The following MCTP2 variants were observed in gnomAD, a reference collection of about 807,000 sequenced individuals.
The protein encoded by MCTP2 is multiple C2 and transmembrane domain-containing protein 2.
MCTP2 carries 132 observed loss-of-function variants against 111.6 expected under a neutral mutation model. The observed-to-expected ratio is 1.18, with a 90% confidence interval of 1.03 to 1.37. The LOEUF (loss-of-function observed/expected upper bound fraction) is 1.37. Ranked by LOEUF, MCTP2 falls within the 40% of genes most tolerant of loss-of-function variation. MCTP2 has a pLI of 0.00. For synonymous variants in MCTP2, 395 were observed against 387.7 expected (o/e 1.02, Z -0.22); for missense variants, 1,183 against 1,067.9 (o/e 1.11, Z -1.50).
chr15:94,457,937 G>A (rs567851026), intron 19 of MCTP2, among the ~76,000 whole-genome samples, 200 bp from the exon 20 acceptor site: 35 of 152,228 alleles, frequency 2.3e-4, no homozygotes, highest in South Asian at 4.1e-4. Flanking sequence ...TGAGGCTTGC[G>A]CGTTAGGAGT....
At chr15:94,300,566 T>A (rs1449962362) in intron 2 of MCTP2, among the ~76,000 whole-genome samples, 1 of 151,316 alleles carries the variant, frequency 6.6e-6, no homozygotes, top group Non-Finnish European at 1.5e-5. Context: ...AATATTTGAA[T>A]GCTACTCTAG....
chr15:94,313,604 G>A (rs1472611384), intron 2 of MCTP2, among the ~76,000 whole-genome samples: 1 of 152,126 alleles, frequency 6.6e-6, no homozygotes, highest in Non-Finnish European at 1.5e-5. Flanking sequence ...GGGAGGCTGA[G>A]GCAGGAGAAT....
At chr15:94,387,474 T>C (rs78886884) in intron 14 of MCTP2, among the ~76,000 whole-genome samples, 2,282 of 152,284 alleles carry the variant, frequency 0.015, 57 homozygotes, top group African/African-American at 0.052. Flanking sequence ...TCTTTCAAAA[T>C]ACAAGGTAGA....
At chr15:94,463,316 C>CT (rs557836204) in intron 20 of MCTP2, among the ~76,000 whole-genome samples, 1 of 151,972 alleles carries the variant, frequency 6.6e-6, no homozygotes, top group Admixed American at 6.6e-5. Context: ...AGAAGTCTGA[C>CT]TTTTTTTGTG....
chr15:94,392,875 A>C (rs1346805508), intron 14 of MCTP2, among the ~76,000 whole-genome samples: 2 of 152,058 alleles, frequency 1.3e-5, no homozygotes, highest in African/African-American at 4.8e-5. Flanking sequence ...AAATAGAGCT[A>C]TTCCCTCTAT....
chr15:94,423,627 A>G (rs985144824), intron 17 of MCTP2, among the ~76,000 whole-genome samples: 2 of 152,180 alleles, frequency 1.3e-5, no homozygotes, highest in African/African-American at 4.8e-5. Context: ...CTGTATTTAA[A>G]TAAGGCAAAA....
intron 20 of MCTP2, among the ~76,000 whole-genome samples, chr15:94,458,892 A>G (rs568899317): frequency 2.0e-5 from 3 of 152,228 alleles, no homozygotes; most frequent in East Asian, 1.9e-4. Context: ...ATGCATTCCA[A>G]TAAAACTTTA....
chr15:94,402,426 G>A, intron 17 of MCTP2: 1 of 1,535,606 alleles, frequency 6.5e-7, no homozygotes. Context: ...TATTAAAGAT[G>A]TTTATTCATT....
At chr15:94,290,076 G>A (rs1005826221) in intron 1 of MCTP2, among the ~76,000 whole-genome samples, 2 of 151,662 alleles carry the variant, frequency 1.3e-5, no homozygotes, top group Non-Finnish European at 2.9e-5. Flanking sequence ...AAACATGGCT[G>A]TTGATGAAAA....
Position 94,340,274 on chromosome 15 carries a change from A to T in MCTP2, c.856A>T (p.Arg286Ter). 1 of 1,607,190 alleles carries T rather than the reference A, an allele frequency of 6.2e-7. No individual in the cohort carries two copies. Among genetic ancestry groups the T allele is most frequent in the East Asian group, 2.2e-5 (1 of 44,758 alleles). ...FVILSDLELN[R>*]TTEHILKLED... The stretch of plus-strand genomic sequence containing the variant: ...CATTCTCAGTGATCTTGAGCTTAAC[A>T]GGTACCGTATTTTTACATTTTAATT... The change falls in exon 6 of 23, where the codon AGA becomes TGA. Residue 286 changes from arginine to a stop codon, truncating the protein, a stop_gained and splice_region_variant. Coordinates refer to ENST00000357742, the MANE Select transcript of MCTP2 (RefSeq NM_001385001.1). LOFTEE classifies it high-confidence loss of function.
intron 18 of MCTP2, among the ~76,000 whole-genome samples, chr15:94,441,993 G>T (rs1452589059): frequency 6.6e-6 from 1 of 152,180 alleles, no homozygotes; most frequent in Non-Finnish European, 1.5e-5. Flanking sequence ...TGACTGCTCA[G>T]TGGTTTTATG....
At chr15:94,466,773 TAC>T (rs773575634) in intron 20 of MCTP2, among the ~76,000 whole-genome samples, 1 of 152,296 alleles carries the variant, frequency 6.6e-6, no homozygotes, top group East Asian at 1.9e-4. Context: ...ATTTTATTTT[TAC>T]AGTGTATTAT....
chr15:94,293,426 AAGAC>A (rs751179820), intron 1 of MCTP2, among the ~76,000 whole-genome samples: 1 of 152,270 alleles, frequency 6.6e-6, no homozygotes, highest in Non-Finnish European at 1.5e-5. Context: ...AGTAGATAAA[AAGAC>A]AGGAAATGCA....
chr15:94,441,718 G>A (rs745354646), intron 18 of MCTP2, among the ~76,000 whole-genome samples: 5 of 152,180 alleles, frequency 3.3e-5, no homozygotes, highest in Admixed American at 3.3e-4. Flanking sequence ...GCATAGTGAC[G>A]AAGTGATTTG....
intron 1 of MCTP2, among the ~76,000 whole-genome samples, chr15:94,236,377 C>CTTTTTTTTTTTTTTTTTTTTT (rs71132992): frequency 1.8e-4 from 13 of 72,464 alleles, no homozygotes; most frequent in South Asian, 6.0e-4. Context: ...TCTTTTTTTT[C>CTTTTTTTTTTTTTTTTTTTTT]TTTTTTTTTT....
intron 8 of MCTP2, among the ~76,000 whole-genome samples, chr15:94,348,996 A>G (rs1249824665): frequency 6.6e-6 from 1 of 152,006 alleles, no homozygotes; most frequent in Admixed American, 6.5e-5. Flanking sequence ...TTTTCCATCT[A>G]TGATCTAATT....
At chr15:94,390,076 A>ACG (rs1567602357) in intron 14 of MCTP2, among the ~76,000 whole-genome samples, 21 of 12,652 alleles carry the variant, frequency 1.7e-3, no homozygotes, top group African/African-American at 3.2e-3. Flanking sequence ...ATATATATAT[A>ACG]TATATATATA....
At chr15:94,328,322 G>T (rs973249655) in intron 4 of MCTP2, among the ~76,000 whole-genome samples, 1 of 152,062 alleles carries the variant, frequency 6.6e-6, no homozygotes, top group Middle Eastern at 3.4e-3. Context: ...TAGAGACGGG[G>T]TTTCACTGTG....
At chr15:94,364,703 A>AG (rs1347765581) in intron 10 of MCTP2, among the ~76,000 whole-genome samples, 1 of 152,100 alleles carries the variant, frequency 6.6e-6, no homozygotes, top group Admixed American at 6.5e-5. Flanking sequence ...TTGCAATTTG[A>AG]GGGAAAAAAG....
Sources: allele counts gnomAD v4.1 joint callset (sites outside exome capture counted in the v4.1 genomes callset), GRCh38; gene constraint gnomAD v4.1.1; transcripts MANE v1.5; gene names NCBI Gene and HGNC (gene_info 2026-07-23, HGNC 2026-07-21).